IQSEC3: variants seen among roughly 807,000 people sequenced by gnomAD.
IQSEC3 encodes the protein IQ motif and Sec7 domain ArfGEF 3.
In IQSEC3, 50 loss-of-function variants were observed where a neutral mutation model predicts 105.4. The ratio of observed to expected loss-of-function variants is 0.47; its 90% CI spans 0.38 to 0.60. The LOEUF (loss-of-function observed/expected upper bound fraction) is 0.60, where lower values mean the gene tolerates loss of function less well. Ranked by LOEUF, IQSEC3 falls within the 20% of genes least tolerant of loss-of-function variation. IQSEC3 has a pLI of 0.00. For missense variants in IQSEC3, 1,415 were observed against 1,630.0 expected (o/e 0.87, Z 2.27); for synonymous variants, 708 against 746.0 (o/e 0.95, Z 0.83).
chr12:174,747 G>T lies in IQSEC3; in HGVS notation c.3263G>T (p.Gly1088Val). ...PLPPPPPTPPGTLVQCQQIVK... is the reference protein window; with the variant it reads ...PLPPPPPTPPVTLVQCQQIVK... ...CCGCCGCCGCCACCCACGCCCCCGG[G>T]CACCCTGGTGCAGTGCCAGCAAATT... Residue 1088 changes from glycine (G) to valine (V), a missense_variant, in exon 14 of 14, where the codon GGC (glycine) becomes GTC (valine). Coordinates refer to ENST00000538872, the MANE Select transcript of IQSEC3 (RefSeq NM_001170738.2). 6.3e-7 allele frequency: 1 copy of T among 1,591,250 alleles called. No homozygotes were observed. The highest frequency in any genetic ancestry group is 8.5e-7 in the Non-Finnish European group (1 of 1,177,246).
At chr12:171,356 G>C (rs1367433319) in intron 13 of IQSEC3, 195 bp downstream of exon 13, 26 of 1,589,486 alleles carry the variant, frequency 1.6e-5, no homozygotes, top group Non-Finnish European at 2.2e-5. Context: ...GCCTAATTAA[G>C]CCACGAGCTC....
At chr12:94,162 C>G (rs1591645458) in intron 1 of IQSEC3, among the ~76,000 whole-genome samples, 1 of 152,222 alleles carries the variant, frequency 6.6e-6, no homozygotes, top group Admixed American at 6.5e-5. Context: ...CATTGAGTGC[C>G]ATCACTATAC....
At chr12:134,643 C>A (rs1459531121) in intron 3 of IQSEC3, among the ~76,000 whole-genome samples, 3 of 152,114 alleles carry the variant, frequency 2.0e-5, no homozygotes, top group Non-Finnish European at 4.4e-5. Flanking sequence ...CCTGTAATCC[C>A]AGCACTTTGG....
intron 2 of IQSEC3, among the ~76,000 whole-genome samples, chr12:114,335 C>T (rs1864986616): frequency 1.3e-5 from 2 of 152,232 alleles, no homozygotes; most frequent in Admixed American, 1.3e-4. Flanking sequence ...AGACACACCT[C>T]AGGGACCTGA....
intron 3 of IQSEC3, among the ~76,000 whole-genome samples, chr12:127,380 G>C (rs1043807749): frequency 7.2e-5 from 11 of 152,178 alleles, no homozygotes; most frequent in Non-Finnish European, 1.3e-4. Context: ...TTAGCCAGGC[G>C]TGGTGGCGCA....
At chr12:174,530 G>A (rs1341219209) in intron 13 of IQSEC3, 69 bp from the exon 14 acceptor site, 36 of 1,389,072 alleles carry the variant, frequency 2.6e-5, no homozygotes, top group Non-Finnish European at 3.4e-5. Flanking sequence ...GAGGCACAGG[G>A]CAGCCTGTCC....
At chr12:69,632 C>G (rs1388459118) in intron 1 of IQSEC3, among the ~76,000 whole-genome samples, 4 of 152,252 alleles carry the variant, frequency 2.6e-5, no homozygotes, top group Non-Finnish European at 5.9e-5. Flanking sequence ...ACATAGAGAC[C>G]ATAGATGTGC....
intron 1 of IQSEC3, among the ~76,000 whole-genome samples, chr12:69,537 T>A (rs1320312671): frequency 6.6e-6 from 1 of 152,276 alleles, no homozygotes; most frequent in Non-Finnish European, 1.5e-5. Context: ...ACTTAGAAAG[T>A]TGCCCCAGGC....
At chr12:83,677 G>A (rs58822673) in intron 1 of IQSEC3, among the ~76,000 whole-genome samples, 73,558 of 145,488 alleles carry the variant, frequency 0.51, 19,469 homozygotes, top group Non-Finnish European at 0.56. Context: ...GAGTTTGTGG[G>A]GAGAGAGGTT....
intron 2 of IQSEC3, chr12:106,948 G>A (rs1399785897): frequency 3.9e-5 from 6 of 152,184 alleles, no homozygotes; most frequent in African/African-American, 1.4e-4. Context: ...TCTATAGCAA[G>A]AGTGATTTGA....
chr12:172,272 G>A (rs980830709), intron 13 of IQSEC3, among the ~76,000 whole-genome samples: 3 of 151,106 alleles, frequency 2.0e-5, no homozygotes, highest in Admixed American at 6.6e-5. Flanking sequence ...CCTTTACAAG[G>A]AGGAGCTTCC....
In IQSEC3 at chr12:175,320, T is replaced by C. The variant is rs1162959863; in HGVS notation, c.*287T>C. On this transcript the variant is annotated 3_prime_UTR_variant, in exon 14 of 14. Coordinates refer to ENST00000538872, the MANE Select transcript of IQSEC3 (RefSeq NM_001170738.2). ...TTCCCCTGGCCACCACTTTCCCCCATTGGACCATGGACTGAAGAAAACGAG... is the reference window on the plus strand; with the variant it reads ...TTCCCCTGGCCACCACTTTCCCCCACTGGACCATGGACTGAAGAAAACGAG... The C allele has an allele frequency of 3.6e-5, 15 of 417,050 alleles. No individual in the cohort carries two copies. Among genetic ancestry groups the C allele is most frequent in the East Asian group, 7.5e-5 (2 of 26,660 alleles). The allele number at this position is 417,050 out of a possible 1,614,324, so 25.8% of individuals were successfully genotyped here.
At chr12:126,380 C>A (rs1439445168) in intron 3 of IQSEC3, among the ~76,000 whole-genome samples, 1 of 152,250 alleles carries the variant, frequency 6.6e-6, no homozygotes, top group Non-Finnish European at 1.5e-5. Flanking sequence ...TCAGTCCAGA[C>A]TGGGGGAGTC....
rs1188833075 is a variant in IQSEC3 at position 157,782 on chromosome 12, T to A, written c.2443+88T>A. The A allele has an allele frequency of 3.6e-6, 5 of 1,396,894 alleles. No individual in the cohort carries two copies. The East Asian group carries it at 1.2e-4, about 34-fold the overall frequency. The allele number at this position is 1,396,894 out of a possible 1,614,324, so 86.5% of individuals were successfully genotyped here. A position where few individuals can be genotyped will look rare whatever the true frequency, so the allele number is the denominator to read the frequency against. The stretch of plus-strand genomic sequence containing the variant: ...CGTGCATTCTGTGAGTCTGAGCCCC[T>A]ATCACAGATGGTCACCTGCTGTCTG... On this transcript the variant is annotated intron_variant, in intron 7 of 13. Transcript: ENST00000538872.
chr12:102,368 T>G (rs1053337455), intron 2 of IQSEC3, among the ~76,000 whole-genome samples: 3 of 152,198 alleles, frequency 2.0e-5, no homozygotes, highest in Non-Finnish European at 2.9e-5. Flanking sequence ...ACCTTTGTTG[T>G]GTGGACTCAG....
rs768089525 is a variant in IQSEC3, at chr12:174,907, C to G, written c.3423C>G (p.Val1141=). 1 of 1,559,008 alleles carries G rather than the reference C, an allele frequency of 6.4e-7. No individual in the cohort carries two copies. The highest frequency in any genetic ancestry group is 8.6e-7 in the Non-Finnish European group (1 of 1,160,552). The part of the protein sequence containing the change: ...STPLGGPGSP[V]KVTHQPPLPP... Reference sequence around the variant, plus strand: ...CCCTGGGCGGTCCCGGCTCTCCGGTCAAGGTCACCCACCAGCCTCCGCTGC... The same window carrying G: ...CCCTGGGCGGTCCCGGCTCTCCGGTGAAGGTCACCCACCAGCCTCCGCTGC... Residue 1141 remains valine, a synonymous_variant, in exon 14 of 14, where the codon GTC becomes GTG. Transcript: ENST00000538872.
At chr12:81,025 G>A (rs966170563) in intron 1 of IQSEC3, among the ~76,000 whole-genome samples, 8 of 152,338 alleles carry the variant, frequency 5.3e-5, no homozygotes, top group African/African-American at 1.9e-4. Context: ...GGGTGCAGGC[G>A]CGTAGCAGAT....
chr12:132,930 A>G (rs1186343194), intron 3 of IQSEC3, among the ~76,000 whole-genome samples: 1 of 152,222 alleles, frequency 6.6e-6, no homozygotes, highest in Non-Finnish European at 1.5e-5. Flanking sequence ...TAATCCTCAC[A>G]AGAAGATACA....
chr12:102,043 T>C (rs534874056), intron 2 of IQSEC3, among the ~76,000 whole-genome samples: 2 of 151,942 alleles, frequency 1.3e-5, no homozygotes, highest in African/African-American at 4.8e-5. Flanking sequence ...TCTGAGGAGA[T>C]CTGGTATGGA....
Sources: gnomAD v4.1 joint callset for allele counts (sites outside exome capture counted in the v4.1 genomes callset) on GRCh38, gnomAD v4.1.1 for gene constraint, MANE v1.5 for transcripts, NCBI Gene and HGNC (gene_info 2026-07-23, HGNC 2026-07-21) for gene names.